Variants in XRN2 observed in about 807,000 individuals in gnomAD.
XRN2 encodes DHM1-like protein.
XRN2 carries 44 observed loss-of-function variants against 138.5 expected under a neutral mutation model. The ratio of observed to expected loss-of-function variants is 0.32; its 90% CI spans 0.25 to 0.41. The LOEUF (loss-of-function observed/expected upper bound fraction) is 0.41, where lower values mean the gene tolerates loss of function less well. Among genes scored for constraint, XRN2 ranks in the 10% least tolerant of loss-of-function variants. The probability of loss-of-function intolerance (pLI) is 1.00; values close to 1 mark genes in which losing one functional copy is unlikely to be tolerated. For synonymous variants in XRN2, 354 were observed against 369.4 expected (o/e 0.96, Z 0.48); for missense variants, 937 against 1,169.3 (o/e 0.80, Z 2.90).
At chr20:21,371,026 C>A (rs538649469) in intron 27 of XRN2, among the ~76,000 whole-genome samples, 70 of 148,894 alleles carry the variant, frequency 4.7e-4, no homozygotes, top group African/African-American at 1.7e-3. Context: ...ACATTTTTTT[C>A]TAAATGTTTG....
chr20:21,322,639 G>A (rs2038062361), intron 1 of XRN2, among the ~76,000 whole-genome samples: 2 of 152,130 alleles, frequency 1.3e-5, no homozygotes, highest in African/African-American at 4.8e-5. Context: ...GGAACAGTGG[G>A]TTGGCATGAA....
intron 1 of XRN2, among the ~76,000 whole-genome samples, chr20:21,305,259 ATTTG>A (rs2037799791): frequency 6.6e-6 from 1 of 151,906 alleles, no homozygotes; most frequent in Non-Finnish European, 1.5e-5. Context: ...ATCTTACTTC[ATTTG>A]TTTATTTATT....
intron 27 of XRN2, among the ~76,000 whole-genome samples, chr20:21,376,659 G>C (rs377185409): frequency 2.0e-5 from 3 of 152,180 alleles, no homozygotes; most frequent in East Asian, 3.9e-4. Flanking sequence ...CGGAAGGTGG[G>C]AGGAAGGGAA....
chr20:21,318,194 A>G (rs1179734444), intron 1 of XRN2, among the ~76,000 whole-genome samples: 1 of 152,090 alleles, frequency 6.6e-6, no homozygotes, highest in Non-Finnish European at 1.5e-5. Flanking sequence ...TAAGTTATCT[A>G]ATTTGTTGGT....
At chr20:21,361,769 A>G (rs895393093) in intron 24 of XRN2, among the ~76,000 whole-genome samples, 1 of 152,360 alleles carries the variant, frequency 6.6e-6, no homozygotes, top group Middle Eastern at 3.4e-3. Flanking sequence ...GTTCCTGCTT[A>G]GTCTGTGTGT....
chr20:21,358,591 ATTTTAGATTTTT>A (rs1280455616), intron 24 of XRN2, among the ~76,000 whole-genome samples: 14 of 152,018 alleles, frequency 9.2e-5, no homozygotes, highest in Non-Finnish European at 1.3e-4. Flanking sequence ...CTCAGGAAAT[ATTTTAGATTTTT>A]TTTTAGATTT....
chr20:21,312,578 T>A (rs1021138113), intron 1 of XRN2, among the ~76,000 whole-genome samples: 14 of 150,612 alleles, frequency 9.3e-5, no homozygotes, highest in Non-Finnish European at 2.1e-4. Flanking sequence ...GAGCCAGAGC[T>A]TCTTGTTAAA....
Position 21,306,841 on chromosome 20 carries a change from C to A in XRN2, c.75+3368C>A, listed in dbSNP as rs1004577806. On this transcript the variant is annotated intron_variant, in intron 1 of 29. Coordinates refer to ENST00000377191, the MANE Select transcript of XRN2 (RefSeq NM_012255.5). ...TGGCTAACATGGTGAAACCCCATCTCTACTAAAAATACAAAAATTAGCTGC... is the reference window on the plus strand; with the variant it reads ...TGGCTAACATGGTGAAACCCCATCTATACTAAAAATACAAAAATTAGCTGC... 5.2e-4 allele frequency among the ~76,000 whole-genome samples: 39 copies of A among 74,968 alleles called. 17 individuals are homozygous for A. Among genetic ancestry groups the A allele is most frequent in the Non-Finnish European group, 1.1e-3 (34 of 31,980 alleles). 49.2% of individuals were successfully genotyped at this position (74,968 alleles called of 152,430 possible). A position where few individuals can be genotyped will look rare whatever the true frequency, so the allele number is the denominator to read the frequency against.
At chr20:21,349,815 T>C (rs1313159071) in intron 20 of XRN2, among the ~76,000 whole-genome samples, 1 of 152,226 alleles carries the variant, frequency 6.6e-6, no homozygotes, top group Non-Finnish European at 1.5e-5. Flanking sequence ...AATGTTGATA[T>C]TTCTCCATCC....
At chr20:21,354,264 TTAG>T (rs569366022) in intron 20 of XRN2, among the ~76,000 whole-genome samples, 356 of 152,310 alleles carry the variant, frequency 2.3e-3, no homozygotes, top group South Asian at 3.5e-3. Flanking sequence ...TATAAATTAA[TTAG>T]TAGGCTTTAA....
intron 1 of XRN2, among the ~76,000 whole-genome samples, chr20:21,316,546 TC>T (rs545012937): frequency 3.9e-4 from 59 of 152,318 alleles, no homozygotes; most frequent in Non-Finnish European, 8.1e-4. Flanking sequence ...TGAAGACTGT[TC>T]TTTTCCCCAT....
chr20:21,343,258 T>C (rs2038394640), intron 15 of XRN2, among the ~76,000 whole-genome samples: 1 of 152,104 alleles, frequency 6.6e-6, no homozygotes, highest in South Asian at 2.1e-4. Flanking sequence ...GTAACTAAAG[T>C]TGCAGAACAT....
chr20:21,351,452 T>A (rs1219112044), intron 20 of XRN2, among the ~76,000 whole-genome samples: 1 of 152,222 alleles, frequency 6.6e-6, no homozygotes, highest in African/African-American at 2.4e-5. Flanking sequence ...TTGATTTTGT[T>A]GTTGCATTAT....
intron 27 of XRN2, among the ~76,000 whole-genome samples, chr20:21,381,046 G>A (rs118088425): frequency 0.012 from 1,869 of 152,284 alleles, 19 homozygotes; most frequent in Non-Finnish European, 0.019. Context: ...TCTTTCTTAA[G>A]TAAAAACCAT....
chr20:21,368,619 A>G (rs749553473), intron 27 of XRN2, 29 bp downstream of exon 27: 16 of 1,606,358 alleles, frequency 1.0e-5, no homozygotes, highest in South Asian at 9.0e-5. Context: ...GTTATTTTAC[A>G]TTATAAATTA....
At chr20:21,318,265 G>A (rs1259758808) in intron 1 of XRN2, among the ~76,000 whole-genome samples, 2 of 152,074 alleles carry the variant, frequency 1.3e-5, no homozygotes, top group African/African-American at 4.8e-5. Context: ...TAGCAGTAAT[G>A]TCCTGTCTCT....
intron 1 of XRN2, among the ~76,000 whole-genome samples, chr20:21,304,707 A>G (rs570443884): frequency 6.6e-6 from 1 of 152,316 alleles, no homozygotes; most frequent in South Asian, 2.1e-4. Context: ...AATGGAGTAA[A>G]TCACTAGATA....
Position 21,330,665 on chromosome 20 carries a change from C to G in XRN2, c.536C>G (p.Ala179Gly). Reference sequence around the variant, plus strand: ...GCTAAATGCCTTCGCTATTACATAGCTGATCGTTTAAATAATGACCCTGGG... The same window carrying G: ...GCTAAATGCCTTCGCTATTACATAGGTGATCGTTTAAATAATGACCCTGGG... ...NLAKCLRYYI[A>G]DRLNNDPGWK... Residue 179 changes from alanine (A) to glycine (G), a missense_variant, in exon 6 of 30, where the codon GCT (alanine) becomes GGT (glycine). Transcript: ENST00000377191. The G allele has an allele frequency of 6.2e-7, 1 of 1,613,202 alleles. No individual in the cohort carries two copies. Among genetic ancestry groups the G allele is most frequent in the Admixed American group, 1.7e-5 (1 of 60,012 alleles).
intron 1 of XRN2, among the ~76,000 whole-genome samples, chr20:21,311,835 AC>A (rs2037885018): frequency 6.6e-6 from 1 of 152,006 alleles, no homozygotes; most frequent in Non-Finnish European, 1.5e-5. Flanking sequence ...TAAAAAAGTA[AC>A]AAAAAAAAAT....
Sources: allele counts gnomAD v4.1 joint callset (sites outside exome capture counted in the v4.1 genomes callset), GRCh38; gene constraint gnomAD v4.1.1; transcripts MANE v1.5; gene names NCBI Gene and HGNC (gene_info 2026-07-23, HGNC 2026-07-21).